The following SLC9B2 variants were observed in gnomAD, a reference collection of about 807,000 sequenced individuals.
SLC9B2 encodes solute carrier family 9 member B2, also known as sodium/hydrogen exchanger 9B2.
Under a neutral mutation model 52.2 loss-of-function variants are expected in SLC9B2, and 39 were observed. The observed-to-expected ratio is 0.75, with a 90% confidence interval of 0.58 to 0.98. The LOEUF is 0.98. SLC9B2 is among the 50% of genes least tolerant of loss of function. SLC9B2 has a pLI of 0.00. For missense variants in SLC9B2, 626 were observed against 637.5 expected, an observed-to-expected ratio of 0.98 and a Z score of 0.19; for synonymous variants, 214 against 227.0, an observed-to-expected ratio of 0.94 and a Z score of 0.51.
chr4:103,068,122 G>C (rs1746308131), intron 1 of SLC9B2, among the ~76,000 whole-genome samples: 1 of 152,150 alleles, frequency 6.6e-6, no homozygotes, highest in African/African-American at 2.4e-5. Context: ...TGAGTGCTAT[G>C]GTAGTCACTT....
chr4:103,071,495 C>T (rs1738418976), intron 1 of SLC9B2, among the ~76,000 whole-genome samples: 1 of 151,878 alleles, frequency 6.6e-6, no homozygotes, highest in African/African-American at 2.4e-5. Context: ...AGTGATTCTC[C>T]TGCCTCAGCC....
chr4:103,032,113 G>A (rs1199764344), intron 9 of SLC9B2, among the ~76,000 whole-genome samples: 1 of 152,088 alleles, frequency 6.6e-6, no homozygotes, highest in Non-Finnish European at 1.5e-5. Flanking sequence ...ATGTGCATGT[G>A]TGTATACATA....
downstream of SLC9B2, among the ~76,000 whole-genome samples, chr4:103,018,558 T>C (rs551300374): frequency 6.6e-6 from 1 of 152,282 alleles, no homozygotes; most frequent in South Asian, 2.1e-4. Context: ...TATTTATCTC[T>C]AAGGAAAATC....
intron 10 of SLC9B2, among the ~76,000 whole-genome samples, chr4:103,029,861 A>C (rs1560540771): frequency 1.3e-5 from 2 of 152,310 alleles, no homozygotes; most frequent in East Asian, 3.9e-4. Flanking sequence ...TGAAAAAACC[A>C]GAAGCTCAGA....
At chr4:103,020,230 T>C (rs545873786), downstream of SLC9B2, 55 of 401,768 alleles carry the variant, frequency 1.4e-4, no homozygotes, top group African/African-American at 1.1e-3. Context: ...TAATATACTG[T>C]TATCAGTATA....
intron 4 of SLC9B2, among the ~76,000 whole-genome samples, chr4:103,055,276 T>C (rs914751978): frequency 6.7e-6 from 1 of 149,232 alleles, no homozygotes; most frequent in Non-Finnish European, 1.5e-5. Context: ...CATTAGGAGA[T>C]ATACCTAATG....
At chr4:103,036,619 G>GTAAT (rs981232191) in intron 9 of SLC9B2, among the ~76,000 whole-genome samples, 3 of 143,382 alleles carry the variant, frequency 2.1e-5, no homozygotes, top group African/African-American at 7.6e-5. Context: ...CTAAAACGGA[G>GTAAT]TAATTATGAA....
intron 5 of SLC9B2, among the ~76,000 whole-genome samples, chr4:103,049,918 C>A (rs1744513767): frequency 6.6e-6 from 1 of 151,134 alleles, no homozygotes; most frequent in Non-Finnish European, 1.5e-5. Flanking sequence ...AGGCCTGAGG[C>A]AGGAGAATCA....
intron 11 of SLC9B2, 66 bp from the exon 12 acceptor site, chr4:103,026,657 T>C: frequency 6.7e-7 from 1 of 1,486,146 alleles, no homozygotes. Flanking sequence ...AAGTGAGTTT[T>C]TTATTGTTTG....
At chr4:103,049,045 A>AATATAATCCTCT (rs1324128581) in intron 5 of SLC9B2, 25 bp from the exon 6 acceptor site, 2 of 1,610,078 alleles carry the variant, frequency 1.2e-6, no homozygotes, top group African/African-American at 2.7e-5. Context: ...TAGACATCCT[A>AATATAATCCTCT]ATATAATCCT....
Position 103,023,326 on chromosome 4 carries a change from G to C in SLC9B2, c.*3044C>G, listed in dbSNP as rs372609592. 2.0e-5 allele frequency among the ~76,000 whole-genome samples: 3 copies of C among 152,218 alleles called. No individual in the cohort carries two copies. The highest frequency in any genetic ancestry group is 6.5e-5 in the Admixed American group (1 of 15,278). On this transcript the variant is annotated 3_prime_UTR_variant, in exon 12 of 12. Coordinates refer to ENST00000394785, the MANE Select transcript of SLC9B2 (RefSeq NM_178833.7). The stretch of plus-strand genomic sequence containing the variant: ...ACATGTAAATAAAGTGAAAAAAAGT[G>C]TTACATGTGCTCTGACATAAGTATG...
intron 5 of SLC9B2, 128 bp downstream of exon 5, chr4:103,050,112 A>G (rs981393769): frequency 4.7e-6 from 4 of 843,214 alleles, no homozygotes; most frequent in Admixed American, 8.0e-5. Flanking sequence ...AATAAATTCT[A>G]TTTTATTCTC....
intron 11 of SLC9B2, among the ~76,000 whole-genome samples, chr4:103,027,368 T>C (rs1742316727): frequency 6.6e-6 from 1 of 152,152 alleles, no homozygotes; most frequent in Non-Finnish European, 1.5e-5. Flanking sequence ...CTTAAACTCA[T>C]TGTCAAACGT....
At chr4:103,027,130 A>G (rs1321254579) in intron 11 of SLC9B2, among the ~76,000 whole-genome samples, 1 of 152,198 alleles carries the variant, frequency 6.6e-6, no homozygotes, top group African/African-American at 2.4e-5. Context: ...GTAGGGTTAC[A>G]TAAATATCAG....
intron 6 of SLC9B2, 104 bp from the exon 7 acceptor site, chr4:103,047,330 GTCTT>G (rs1196032264): frequency 1.3e-5 from 12 of 891,982 alleles, no homozygotes; most frequent in African/African-American, 5.2e-5. Context: ...GACAACAACA[GTCTT>G]TCTTTTTTTT....
Position 103,057,854 on chromosome 4 carries a change from T to C in SLC9B2, c.389A>G (p.Lys130Arg). Reference sequence around the variant, plus strand: ...AGGTAACTTAATAAGCCCCAAAAGTTTACCACCAATGATGGCACAATAGAA... The same window carrying C: ...AGGTAACTTAATAAGCCCCAAAAGTCTACCACCAATGATGGCACAATAGAA... ...ILFYCAIIGG[K>R]LLGLIKLPTL... Residue 130 changes from lysine (K) to arginine (R), a missense_variant, in exon 4 of 12, where the codon AAA (lysine) becomes AGA (arginine). Lys to Arg is a conservative substitution (Grantham distance 26, BLOSUM62 2). Transcript: ENST00000394785. The C allele has an allele frequency of 6.2e-7, 1 of 1,613,674 alleles. No individual in the cohort carries two copies. The highest frequency in any genetic ancestry group is 8.5e-7 in the Non-Finnish European group (1 of 1,179,924).
At chr4:103,050,464 T>C in intron 4 of SLC9B2, 82 bp from the exon 5 acceptor site, 1 of 1,251,350 alleles carries the variant, frequency 8.0e-7, no homozygotes, top group Non-Finnish European at 1.0e-6. Context: ...TACAGACTAC[T>C]ATATAATCCC....
intron 4 of SLC9B2, among the ~76,000 whole-genome samples, chr4:103,052,938 T>C (rs1744819218): frequency 1.3e-5 from 2 of 152,126 alleles, no homozygotes; most frequent in African/African-American, 4.8e-5. Context: ...GTTGATGTAA[T>C]GTGACCACCT....
intron 9 of SLC9B2, 142 bp from the exon 10 acceptor site, chr4:103,031,950 C>A: frequency 5.5e-6 from 4 of 722,508 alleles, no homozygotes; most frequent in Admixed American, 2.9e-5. Flanking sequence ...TTAGCTAGAA[C>A]AGAGCAAAAA....
Sources: allele counts gnomAD v4.1 joint callset (sites outside exome capture counted in the v4.1 genomes callset), GRCh38; gene constraint gnomAD v4.1.1; transcripts MANE v1.5; gene names NCBI Gene and HGNC (gene_info 2026-07-23, HGNC 2026-07-21).